The following NTSR1 variants were observed in gnomAD, a reference collection of about 807,000 sequenced individuals.
The protein encoded by NTSR1 is neurotensin receptor 1, also known as neurotensin receptor type 1.
In NTSR1, 29 loss-of-function variants were observed where a neutral mutation model predicts 31.2. That is an observed-to-expected ratio of 0.93 (90% CI 0.69 to 1.27). The LOEUF (loss-of-function observed/expected upper bound fraction) is 1.27. NTSR1 is among the 50% of genes most tolerant of loss of function. The pLI, the probability that NTSR1 is intolerant of heterozygous loss-of-function variation, is 0.00. For synonymous variants in NTSR1, 282 were observed against 269.9 expected, an observed-to-expected ratio of 1.04 and a Z score of -0.44; for missense variants, 697 against 595.4, an observed-to-expected ratio of 1.17 and a Z score of -1.78.
At chr20:62,729,422 G>T (rs908908322) in intron 1 of NTSR1, among the ~76,000 whole-genome samples, 8 of 152,296 alleles carry the variant, frequency 5.3e-5, no homozygotes, top group African/African-American at 1.7e-4. Context: ...CTGAGACAGG[G>T]ATTGTGGTGC....
chr20:62,739,204 C>T (rs1473853273), intron 1 of NTSR1, among the ~76,000 whole-genome samples: 1 of 152,198 alleles, frequency 6.6e-6, no homozygotes, highest in Non-Finnish European at 1.5e-5. Flanking sequence ...GGGCAGCAGG[C>T]CCCCTCTGGC....
intron 1 of NTSR1, among the ~76,000 whole-genome samples, chr20:62,724,567 TAAA>T (rs1988874676): frequency 6.6e-6 from 1 of 152,200 alleles, no homozygotes; most frequent in Non-Finnish European, 1.5e-5. Flanking sequence ...AGCCTCCAGT[TAAA>T]ACCAGCGGGG....
chr20:62,726,232 C>T lies in NTSR1; in HGVS notation c.714+16311C>T, dbSNP rs529892216. On this transcript the variant is annotated intron_variant, in intron 1 of 3. Transcript: ENST00000370501. ...GTCAGCTGGGATCACCTTGCAGAAACCCAGTTAAAACCCAAGCACAGGACT... is the reference window on the plus strand; with the variant it reads ...GTCAGCTGGGATCACCTTGCAGAAATCCAGTTAAAACCCAAGCACAGGACT... Among the ~76,000 whole-genome samples the T allele has an allele frequency of 2.6e-5, 4 of 152,350 alleles. No homozygotes were observed. In the East Asian group the frequency reaches 7.7e-4, roughly 29 times the overall value.
chr20:62,748,585 G>A (rs6010654), intron 1 of NTSR1, among the ~76,000 whole-genome samples: 12,931 of 152,094 alleles, frequency 0.085, 708 homozygotes, highest in African/African-American at 0.16. Context: ...ATAGACCCAC[G>A]GAACAGAACA....
At chr20:62,736,331 T>C (rs1234331966) in intron 1 of NTSR1, among the ~76,000 whole-genome samples, 2 of 152,230 alleles carry the variant, frequency 1.3e-5, no homozygotes, top group Non-Finnish European at 2.9e-5. Flanking sequence ...CCCCACTCTC[T>C]GTACCCTCAG....
intron 1 of NTSR1, among the ~76,000 whole-genome samples, chr20:62,753,774 C>T (rs2147147535): frequency 6.6e-6 from 1 of 152,352 alleles, no homozygotes; most frequent in South Asian, 2.1e-4. Context: ...CCATTGGAAG[C>T]CGGGCCATGG....
intron 1 of NTSR1, among the ~76,000 whole-genome samples, chr20:62,721,865 C>T (rs1479446257): frequency 6.6e-6 from 1 of 152,290 alleles, no homozygotes; most frequent in African/African-American, 2.4e-5. Flanking sequence ...TGTATTTGCT[C>T]TTGGAATGGT....
At chr20:62,726,828 T>C (rs1299321549) in intron 1 of NTSR1, among the ~76,000 whole-genome samples, 1 of 151,994 alleles carries the variant, frequency 6.6e-6, no homozygotes, top group Non-Finnish European at 1.5e-5. Context: ...GCCGCGTTAG[T>C]GGAGAAGGCT....
chr20:62,711,527 G>A lies in NTSR1; in HGVS notation c.714+1606G>A, dbSNP rs1206867029. 6.6e-6 allele frequency among the ~76,000 whole-genome samples: 1 copy of A among 151,380 alleles called. No individual in the cohort carries two copies. The highest frequency in any genetic ancestry group is 2.4e-5 in the African/African-American group (1 of 41,134). ...CAGCGCTGTCACTGCCCACCCAGGAGATGCCCCCACTCAGACCCCGGATCC... is the reference window on the plus strand; with the variant it reads ...CAGCGCTGTCACTGCCCACCCAGGAAATGCCCCCACTCAGACCCCGGATCC... On this transcript the variant is annotated intron_variant, in intron 1 of 3. Transcript: ENST00000370501. The surrounding 1 kb of genome is among the most constrained non-coding windows in gnomAD (Gnocchi z 6.4).
chr20:62,735,015 G>A (rs557800279), intron 1 of NTSR1, among the ~76,000 whole-genome samples: 35 of 152,104 alleles, frequency 2.3e-4, no homozygotes, highest in Non-Finnish European at 3.8e-4. Context: ...GTGGGGTGCC[G>A]CGTGCGGGGT....
At chr20:62,747,483 G>A (rs543335951) in intron 1 of NTSR1, among the ~76,000 whole-genome samples, 12 of 128,472 alleles carry the variant, frequency 9.3e-5, no homozygotes, top group Non-Finnish European at 1.6e-4. Flanking sequence ...TAAAGGCCAC[G>A]TATGACAGTC....
At position 62,745,626 on chromosome 20, in the gene NTSR1, GAA is replaced by G. The variant is rs1989287366; in HGVS notation, c.715-9055_715-9054del. Among the ~76,000 whole-genome samples the G allele has an allele frequency of 6.6e-6, 1 of 150,700 alleles. No homozygotes were observed. The highest frequency in any genetic ancestry group is 2.5e-5 in the African/African-American group (1 of 40,370). ...AGACAGAGACACAGAAAAACACAGA[GAA>G]AAACACAGAGACATCACAGGAGAAA... On this transcript the variant is annotated intron_variant, in intron 1 of 3. Coordinates refer to ENST00000370501, the MANE Select transcript of NTSR1 (RefSeq NM_002531.3). The surrounding 1 kb of genome is among the most constrained non-coding windows in gnomAD (Gnocchi z 4.1).
chr20:62,747,032 G>C (rs118088855), intron 1 of NTSR1, among the ~76,000 whole-genome samples: 1 of 152,264 alleles, frequency 6.6e-6, no homozygotes, highest in Non-Finnish European at 1.5e-5. Flanking sequence ...ATGTTGAAAG[G>C]CTCATCCACC....
Position 62,709,884 on chromosome 20 carries a change from C to T in NTSR1, c.677C>T (p.Pro226Leu), listed in dbSNP as rs749199745. ...CACGCCGGCGGCCTGGTGTGCACCC[C>T]CACCATCCACACTGCCACCGTCAAG... is the stretch of plus-strand genomic sequence containing the variant. ...GQHAGGLVCT[P>L]TIHTATVKVV... The change falls in exon 1 of 4, where the codon CCC becomes CTC. Residue 226 changes from proline to leucine, a missense_variant. Pro to Leu is a moderately conservative substitution (Grantham distance 98, BLOSUM62 -3). Coordinates refer to ENST00000370501, the MANE Select transcript of NTSR1 (RefSeq NM_002531.3). The T allele has an allele frequency of 1.2e-6, 2 of 1,601,872 alleles. No individual in the cohort carries two copies. Among genetic ancestry groups the T allele is most frequent in the Non-Finnish European group, 1.7e-6 (2 of 1,172,016 alleles).
At chr20:62,755,021 C>T in intron 2 of NTSR1, 135 bp downstream of exon 2, 1 of 806,846 alleles carries the variant, frequency 1.2e-6, no homozygotes. Context: ...CCCAAGGGTG[C>T]CAGCTCCCCC....
Position 62,742,355 on chromosome 20 carries a change from G to A in NTSR1, c.715-12330G>A, listed in dbSNP as rs762953382. ...CACTGCTGACCACGCGGCAATGTAC[G>A]GCTTTCCAGGCCCCCATCCACCATG... On this transcript the variant is annotated intron_variant, in intron 1 of 3. Transcript: ENST00000370501. This position sits in a 1 kb window ranked among gnomAD's most constrained non-coding sequence, Gnocchi z 7.1. Among the ~76,000 whole-genome samples, 3 of 149,364 alleles carry A rather than the reference G, an allele frequency of 2.0e-5. No homozygotes were observed. The highest frequency in any genetic ancestry group is 5.0e-5 in the African/African-American group (2 of 39,920).
Position 62,760,304 on chromosome 20 carries a change from C to A in NTSR1, c.*37C>A. On this transcript the variant is annotated 3_prime_UTR_variant, in exon 4 of 4. Coordinates refer to ENST00000370501, the MANE Select transcript of NTSR1 (RefSeq NM_002531.3). ...CGGAACGTGTCCAGGAGGAGCCTGG[C>A]CATGGGTCCTTGCCCCCGACAGACA... 6.4e-7 allele frequency: 1 copy of A among 1,568,210 alleles called. No individual in the cohort carries two copies. Among genetic ancestry groups the A allele is most frequent in the Non-Finnish European group, 8.6e-7 (1 of 1,156,108 alleles).
rs1259353787 is a variant in NTSR1, at chr20:62,732,532, C to A, written c.715-22153C>A. ...ATGTAGCGCTGCATGAGATTCGCTGCTATTTGTGTAATTCTTAGTATGTGG... is the reference window on the plus strand; with the variant it reads ...ATGTAGCGCTGCATGAGATTCGCTGATATTTGTGTAATTCTTAGTATGTGG... On this transcript the variant is annotated intron_variant, in intron 1 of 3. Coordinates refer to ENST00000370501, the MANE Select transcript of NTSR1 (RefSeq NM_002531.3). The surrounding 1 kb of genome is among the most constrained non-coding windows in gnomAD (Gnocchi z 4.0). 5.9e-5 allele frequency: 9 copies of A among 152,150 alleles called. No individual in the cohort carries two copies. Among genetic ancestry groups the A allele is most frequent in the African/African-American group, 1.7e-4 (7 of 41,400 alleles). The allele number at this position is 152,150 out of a possible 1,614,324, so 9.4% of individuals were successfully genotyped here.
At chr20:62,723,931 G>T (rs929004445) in intron 1 of NTSR1, among the ~76,000 whole-genome samples, 5 of 152,246 alleles carry the variant, frequency 3.3e-5, no homozygotes, top group African/African-American at 1.2e-4. Context: ...CAGCAGGTCA[G>T]GCGGAGGCAG....
Sources: allele counts gnomAD v4.1 joint callset (sites outside exome capture counted in the v4.1 genomes callset), GRCh38; gene constraint gnomAD v4.1.1; non-coding constraint Gnocchi (gnomAD v3.1); transcripts MANE v1.5; gene names NCBI Gene and HGNC (gene_info 2026-07-23, HGNC 2026-07-21).